Variants in GBP6 observed in about 807,000 individuals in gnomAD.
The protein encoded by GBP6 is guanylate-binding protein 6.
In GBP6, 54 loss-of-function variants were observed where a neutral mutation model predicts 61.5. The observed-to-expected ratio is 0.88, with a 90% CI of 0.71 to 1.10. The LOEUF (loss-of-function observed/expected upper bound fraction) is 1.10, where lower values mean the gene tolerates loss of function less well. GBP6 is among the 50% of genes least tolerant of loss of function. The pLI is 0.00. For synonymous variants in GBP6, 255 were observed against 273.7 expected, an observed-to-expected ratio of 0.93 and a Z score of 0.67; for missense variants, 748 against 752.8, an observed-to-expected ratio of 0.99 and a Z score of 0.07.
intron 1 of GBP6, 66 bp from the exon 2 acceptor site, chr1:89,368,463 A>G: frequency 5.7e-6 from 7 of 1,220,700 alleles, no homozygotes; most frequent in Non-Finnish European, 8.3e-6. Context: ...CATTAGTCCT[A>G]TGTTGATGGG....
intron 3 of GBP6, among the ~76,000 whole-genome samples, chr1:89,376,781 G>A (rs1006686558): frequency 6.6e-6 from 1 of 152,068 alleles, no homozygotes; most frequent in Non-Finnish European, 1.5e-5. Context: ...AGCGGAGGTG[G>A]CTTGAGGCTA....
rs200130778 is a variant in GBP6, at chr1:89,384,220, G to A, written c.1596G>A (p.Glu532=). ...AGGAAAACATAGCCCAACTGAAGGA[G>A]AAGCTGCAGATGGAGAGAGAACACC... ...SRKENIAQLK[E]KLQMEREHLL... The change falls in exon 10 of 11, where the codon GAG becomes GAA. Residue 532 remains glutamate, a synonymous_variant. Coordinates refer to ENST00000370456, the MANE Select transcript of GBP6 (RefSeq NM_198460.3). 1 of 1,614,042 alleles carries A rather than the reference G, an allele frequency of 6.2e-7. No individual in the cohort carries two copies.
intron 3 of GBP6, among the ~76,000 whole-genome samples, chr1:89,372,752 G>C (rs1045799257): frequency 6.6e-6 from 1 of 152,130 alleles, no homozygotes; most frequent in Non-Finnish European, 1.5e-5. Context: ...ACATAGGCAT[G>C]GGCAAAGACT....
intron 9 of GBP6, 123 bp from the exon 10 acceptor site, chr1:89,383,970 G>C (rs1653061174): frequency 2.9e-6 from 3 of 1,032,078 alleles, no homozygotes; most frequent in Admixed American, 2.9e-5. Flanking sequence ...TAATGGTGTG[G>C]ACCTGGGTGA....
Position 89,382,566 on chromosome 1 carries a change from A to G in GBP6, c.1153-98A>G, listed in dbSNP as rs924587090. ...TCTACTCCACTAGAATGTTTTTCTC[A>G]TGAGGACCACAGTTAGATTGACTCT... On this transcript the variant is annotated intron_variant, in intron 7 of 10. Coordinates refer to ENST00000370456, the MANE Select transcript of GBP6 (RefSeq NM_198460.3). 5.4e-6 allele frequency: 5 copies of G among 920,382 alleles called. No homozygotes were observed. The African/African-American group carries it at 8.3e-5, about 15-fold the overall frequency. The allele number at this position is 920,382 out of a possible 1,614,324, so 57.0% of individuals were successfully genotyped here.
intron 6 of GBP6, 129 bp from the exon 7 acceptor site, chr1:89,381,565 T>G: frequency 2.6e-6 from 2 of 765,302 alleles, no homozygotes; most frequent in Non-Finnish European, 4.2e-6. Flanking sequence ...GAGGTAGGGA[T>G]GTGGGTGTAT....
At chr1:89,367,996 T>C (rs959676524) in intron 1 of GBP6, among the ~76,000 whole-genome samples, 19 of 152,222 alleles carry the variant, frequency 1.2e-4, no homozygotes, top group African/African-American at 4.1e-4. Flanking sequence ...GACTTATGAC[T>C]GTTTTCCAGA....
chr1:89,379,519 C>T (rs552696721), intron 5 of GBP6, among the ~76,000 whole-genome samples: 1 of 152,308 alleles, frequency 6.6e-6, no homozygotes, highest in East Asian at 1.9e-4. Context: ...TGAAGAAGCA[C>T]GTCTTTACAA....
chr1:89,381,582 G>A (rs909703581), intron 6 of GBP6, 112 bp from the exon 7 acceptor site: 29 of 991,690 alleles, frequency 2.9e-5, no homozygotes, highest in Non-Finnish European at 3.8e-5. Context: ...GTATGTGTTT[G>A]CATGTGTGCA....
At position 89,378,128 on chromosome 1, in the gene GBP6, TC is replaced by T; in HGVS notation, c.345del (p.Phe116LeufsTer16). ...GGTGACCCTAAGAATGACTCCTGGA[TC>T]TTTGCCCTGGCTGTGCTCCTGTGCA... The part of the protein sequence containing the change: ...EKGDPKNDSW[I>X]FALAVLLCST... On this transcript the variant is annotated frameshift_variant, in exon 4 of 11. Coordinates refer to ENST00000370456, the MANE Select transcript of GBP6 (RefSeq NM_198460.3). LOFTEE classifies it high-confidence loss of function. 1 of 1,613,334 alleles carries T rather than the reference TC, an allele frequency of 6.2e-7. No homozygotes were observed. The highest frequency in any genetic ancestry group is 8.5e-7 in the Non-Finnish European group (1 of 1,179,780).
rs771853810 is a variant in GBP6 at position 89,369,605 on chromosome 1, C to A, written c.250C>A (p.Pro84Thr). 1 of 1,613,970 alleles carries A rather than the reference C, an allele frequency of 6.2e-7. No individual in the cohort carries two copies. Among genetic ancestry groups the A allele is most frequent in the Admixed American group, 1.7e-5 (1 of 59,998 alleles). ...ETKGIWMWCV[P>T]HPSKPNHTLV... Reference sequence around the variant, plus strand: ...CAAGGGCATCTGGATGTGGTGCGTGCCCCACCCATCCAAGCCAAACCACAC... The same window carrying A: ...CAAGGGCATCTGGATGTGGTGCGTGACCCACCCATCCAAGCCAAACCACAC... Residue 84 changes from proline (P) to threonine (T), a missense_variant, in exon 3 of 11, where the codon CCC (proline) becomes ACC (threonine). By Grantham distance (38) the Pro-to-Thr change is conservative. Transcript: ENST00000370456.
At position 89,378,206 on chromosome 1, in the gene GBP6, A is replaced by G; in HGVS notation, c.422A>G (p.Gln141Arg). Reference sequence around the variant, plus strand: ...ACCATCAACCACCAGGCCCTGGAGCAGCTGCAGTATCCTTCCAGGAACAGA... The same window carrying G: ...ACCATCAACCACCAGGCCCTGGAGCGGCTGCAGTATCCTTCCAGGAACAGA... ...MSTINHQALEQLHYVTELTEL... is the reference protein window; with the variant it reads ...MSTINHQALERLHYVTELTEL... The change falls in exon 4 of 11, where the codon CAG (glutamine) becomes CGG (arginine). Residue 141 changes from glutamine to arginine, a missense_variant. By Grantham distance (43) the Gln-to-Arg change is conservative. Coordinates refer to ENST00000370456, the MANE Select transcript of GBP6 (RefSeq NM_198460.3). 6.2e-7 allele frequency: 1 copy of G among 1,609,892 alleles called. No individual in the cohort carries two copies. Among genetic ancestry groups the G allele is most frequent in the Non-Finnish European group, 8.5e-7 (1 of 1,179,056 alleles).
At chr1:89,376,108 G>A (rs1279664737) in intron 3 of GBP6, among the ~76,000 whole-genome samples, 3 of 152,076 alleles carry the variant, frequency 2.0e-5, no homozygotes, top group Non-Finnish European at 4.4e-5. Context: ...GATTCCTCCA[G>A]GTTGTTGCCA....
chr1:89,372,575 A>G (rs956373881), intron 3 of GBP6, among the ~76,000 whole-genome samples: 1 of 152,190 alleles, frequency 6.6e-6, no homozygotes, highest in Non-Finnish European at 1.5e-5. Flanking sequence ...AGGATTCCCT[A>G]TTTGATAAAT....
At chr1:89,370,938 GTTTA>G (rs1652617555) in intron 3 of GBP6, among the ~76,000 whole-genome samples, 2 of 152,102 alleles carry the variant, frequency 1.3e-5, no homozygotes, top group South Asian at 2.1e-4. Flanking sequence ...GATCTCCAGA[GTTTA>G]TTTATCTTTC....
rs747038217 is a variant in GBP6, at chr1:89,381,830, G to A, written c.1008G>A (p.Gln336=). The A allele has an allele frequency of 6.2e-7, 1 of 1,613,996 alleles. No individual in the cohort carries two copies. ...AVQRAADYYS[Q]QMAQRVKLPT... ...AGAGGGCAGCTGACTACTACAGCCA[G>A]CAGATGGCCCAGCGAGTGAAGCTCC... Residue 336 remains glutamine (Q), a synonymous_variant, in exon 7 of 11, where the codon CAG becomes CAA. Transcript: ENST00000370456.
Position 89,381,881 on chromosome 1 carries a change from G to A in GBP6, c.1059G>A (p.Leu353=). 1 of 1,614,120 alleles carries A rather than the reference G, an allele frequency of 6.2e-7. No individual in the cohort carries two copies. ...CCACAGACACGCTCCAGGAGCTGCT[G>A]GACATGCATGCGGCCTGTGAGAGGG... is the stretch of plus-strand genomic sequence containing the variant. ...KLPTDTLQEL[L]DMHAACEREA... is the part of the protein sequence containing the mutation. The change falls in exon 7 of 11, where the codon CTG becomes CTA. Residue 353 remains leucine (L), a synonymous_variant. Transcript: ENST00000370456.
In GBP6 at chr1:89,378,413, C is replaced by T. The variant is rs759845614; in HGVS notation, c.429-4C>T. On this transcript the variant is annotated splice_region_variant and splice_polypyrimidine_tract_variant and intron_variant, in intron 4 of 10. Coordinates refer to ENST00000370456, the MANE Select transcript of GBP6 (RefSeq NM_198460.3). Reference sequence around the variant, plus strand: ...ACAGTTGCTTTTCCTTACCTAAGTCCTAGTTATGTGACGGAGCTCACAGAA... The same window carrying T: ...ACAGTTGCTTTTCCTTACCTAAGTCTTAGTTATGTGACGGAGCTCACAGAA... 5.6e-6 allele frequency: 9 copies of T among 1,611,982 alleles called. No homozygotes were observed. In the South Asian group the frequency reaches 7.7e-5, roughly 14 times the overall value.
rs758590839 is a variant in GBP6, at chr1:89,368,724, T to C, written c.173T>C (p.Leu58Pro). The change falls in exon 2 of 11, where the codon CTG becomes CCG. Residue 58 changes from leucine (L) to proline (P), a missense_variant. Transcript: ENST00000370456. ...GGGAAATCCTACTTGATGAACCATC[T>C]GGCAGGACAGAATCATGGTAAGTGG... ...RTGKSYLMNH[L>P]AGQNHGFPLG... 1.2e-6 allele frequency: 2 copies of C among 1,613,234 alleles called. No individual in the cohort carries two copies. The highest frequency in any genetic ancestry group is 2.2e-5 in the South Asian group (2 of 90,990).
Sources: gnomAD v4.1 joint callset for allele counts (sites outside exome capture counted in the v4.1 genomes callset) on GRCh38, gnomAD v4.1.1 for gene constraint, MANE v1.5 for transcripts, NCBI Gene and HGNC (gene_info 2026-07-23, HGNC 2026-07-21) for gene names.